CADPS2: variants seen among roughly 807,000 people sequenced by gnomAD.
CADPS2 encodes the protein calcium dependent secretion activator 2.
Under a neutral mutation model 172.5 loss-of-function variants are expected in CADPS2, and 93 were observed. The ratio of observed to expected loss-of-function variants is 0.54; its 90% CI spans 0.46 to 0.64. CADPS2 has a LOEUF of 0.64. Among genes scored for constraint, CADPS2 ranks in the 30% least tolerant of loss-of-function variants. The probability of loss-of-function intolerance (pLI) is 0.00; values close to 1 mark genes in which losing one functional copy is unlikely to be tolerated. For synonymous variants in CADPS2, 546 were observed against 555.2 expected, an observed-to-expected ratio of 0.98 and a Z score of 0.23; for missense variants, 1,420 against 1,565.9, an observed-to-expected ratio of 0.91 and a Z score of 1.57.
chr7:122,484,521 A>G (rs181217942), intron 11 of CADPS2, among the ~76,000 whole-genome samples: 1 of 152,282 alleles, frequency 6.6e-6, no homozygotes, highest in East Asian at 1.9e-4. Flanking sequence ...TGTAAAATGT[A>G]AACGCCAAAA....
intron 3 of CADPS2, among the ~76,000 whole-genome samples, chr7:122,641,326 A>C (rs1414894400): frequency 2.0e-5 from 3 of 152,186 alleles, no homozygotes; most frequent in Admixed American, 2.0e-4. Flanking sequence ...TTAGTTCAGA[A>C]AATATGCTTT....
chr7:122,569,839 C>T (rs2066980279), intron 7 of CADPS2, among the ~76,000 whole-genome samples: 1 of 143,864 alleles, frequency 7.0e-6, no homozygotes, highest in South Asian at 2.2e-4. Flanking sequence ...ATGGAGAAAG[C>T]TGAAACTGGA....
rs1585568123 is a variant in CADPS2 at position 122,393,429 on chromosome 7, T to G, written c.2888+12A>C. On this transcript the variant is annotated intron_variant, in intron 21 of 29. Coordinates refer to ENST00000449022, the MANE Select transcript of CADPS2 (RefSeq NM_017954.11). ...AGGCAGGTGCTCTACGGACACTAGG[T>G]AAGATACCTACTTGACAGGCTGCCA... is the stretch of plus-strand genomic sequence containing the variant. 6.2e-7 allele frequency: 1 copy of G among 1,613,694 alleles called. No homozygotes were observed. The highest frequency in any genetic ancestry group is 8.5e-7 in the Non-Finnish European group (1 of 1,179,736).
chr7:122,717,276 GT>G (rs2089741635), intron 2 of CADPS2, among the ~76,000 whole-genome samples: 1 of 152,114 alleles, frequency 6.6e-6, no homozygotes, highest in Admixed American at 6.6e-5. Context: ...AGCAAGTAAA[GT>G]TGACAAACAT....
chr7:122,639,345 C>A (rs1337860663), intron 3 of CADPS2, among the ~76,000 whole-genome samples: 1 of 152,110 alleles, frequency 6.6e-6, no homozygotes, highest in Admixed American at 6.5e-5. Flanking sequence ...CAGAATTCAA[C>A]TGAGACAATT....
At chr7:122,594,855 A>G (rs10278021) in intron 6 of CADPS2, among the ~76,000 whole-genome samples, 1,586 of 152,030 alleles carry the variant, frequency 0.01, 27 homozygotes, top group African/African-American at 0.035. Context: ...ACAGTGCTTT[A>G]TAAGATGAAA....
At chr7:122,406,160 T>C (rs2046613360) in intron 20 of CADPS2, among the ~76,000 whole-genome samples, 1 of 152,178 alleles carries the variant, frequency 6.6e-6, no homozygotes, top group South Asian at 2.1e-4. Flanking sequence ...CATGTCTATG[T>C]GATTTCCCCC....
chr7:122,526,422 G>A (rs1285251733), intron 8 of CADPS2, among the ~76,000 whole-genome samples: 3 of 151,802 alleles, frequency 2.0e-5, no homozygotes, highest in South Asian at 2.1e-4. Context: ...CCAACTCCTC[G>A]CCTCAGGTGA....
At chr7:122,430,541 T>TA (rs1442096153) in intron 17 of CADPS2, among the ~76,000 whole-genome samples, 2 of 151,858 alleles carry the variant, frequency 1.3e-5, no homozygotes, top group African/African-American at 2.4e-5. Flanking sequence ...GAATTACAAG[T>TA]AAAAAAAAGA....
intron 8 of CADPS2, among the ~76,000 whole-genome samples, chr7:122,543,493 CAT>C (rs906620209): frequency 3.3e-5 from 5 of 152,140 alleles, no homozygotes; most frequent in African/African-American, 1.2e-4. Context: ...CATCAATAAA[CAT>C]GTGTTGAATA....
At chr7:122,525,139 C>CA (rs5887094) in intron 8 of CADPS2, among the ~76,000 whole-genome samples, 11 of 148,498 alleles carry the variant, frequency 7.4e-5, no homozygotes, top group South Asian at 2.2e-4. Flanking sequence ...GACCCTGTCT[C>CA]AAAAAAAAAA....
chr7:122,379,984 T>C (rs1229277807), intron 24 of CADPS2, among the ~76,000 whole-genome samples: 1 of 152,070 alleles, frequency 6.6e-6, no homozygotes, highest in Non-Finnish European at 1.5e-5. Flanking sequence ...AGGGCAAAAT[T>C]AGAATTTCAT....
intron 26 of CADPS2, 36 bp downstream of exon 26, chr7:122,360,894 A>G (rs1478959852): frequency 2.5e-6 from 4 of 1,606,478 alleles, no homozygotes; most frequent in Non-Finnish European, 3.4e-6. Flanking sequence ...GACAACAGTT[A>G]AAAGACCACA....
At chr7:122,562,281 G>A (rs890053127) in intron 7 of CADPS2, among the ~76,000 whole-genome samples, 1 of 152,104 alleles carries the variant, frequency 6.6e-6, no homozygotes, top group African/African-American at 2.4e-5. Context: ...TATCCAGGTG[G>A]GCCCAATACA....
At position 122,318,474 on chromosome 7, in the gene CADPS2, TACTA is replaced by T. The variant is rs1422286442; in HGVS notation, c.*1687_*1690del. 3 of 152,260 alleles carry T rather than the reference TACTA, an allele frequency of 2.0e-5. No homozygotes were observed. The highest frequency in any genetic ancestry group is 6.5e-5 in the Admixed American group (1 of 15,278). The allele number at this position is 152,260 out of a possible 1,614,324, so 9.4% of individuals were successfully genotyped here. ...TGAAAGGAAAAGAAGGGTGGGTAAT[TACTA>T]AGTACAGAGCAATGTGTCGTGGAAC... On this transcript the variant is annotated 3_prime_UTR_variant, in exon 30 of 30. Coordinates refer to ENST00000449022, the MANE Select transcript of CADPS2 (RefSeq NM_017954.11).
At chr7:122,646,578 G>A (rs1017601659) in intron 3 of CADPS2, among the ~76,000 whole-genome samples, 3 of 152,086 alleles carry the variant, frequency 2.0e-5, no homozygotes, top group African/African-American at 7.2e-5. Flanking sequence ...AAAATACATG[G>A]TGTGAACTAG....
intron 2 of CADPS2, among the ~76,000 whole-genome samples, chr7:122,675,412 G>A (rs756702357): frequency 2.4e-4 from 36 of 152,168 alleles, no homozygotes; most frequent in Non-Finnish European, 4.7e-4. Flanking sequence ...CTAAAGTGAT[G>A]TTCTCTCCTT....
At chr7:122,880,907 T>C (rs1822760369) in intron 1 of CADPS2, among the ~76,000 whole-genome samples, 1 of 152,190 alleles carries the variant, frequency 6.6e-6, no homozygotes, top group Non-Finnish European at 1.5e-5. Context: ...GTCCACTATT[T>C]AATTATTAGG....
chr7:122,752,913 C>A (rs1412718415), intron 1 of CADPS2, among the ~76,000 whole-genome samples: 2 of 152,062 alleles, frequency 1.3e-5, no homozygotes, highest in African/African-American at 4.8e-5. Context: ...CAAGAGAGGG[C>A]AGCCAAATGG....
Sources: allele counts gnomAD v4.1 joint callset (sites outside exome capture counted in the v4.1 genomes callset), GRCh38; gene constraint gnomAD v4.1.1; transcripts MANE v1.5; gene names NCBI Gene and HGNC (gene_info 2026-07-23, HGNC 2026-07-21).